The following KIFAP3 variants were observed in gnomAD, a reference collection of about 807,000 sequenced individuals.
KIFAP3 encodes the protein kinesin associated protein 3.
In KIFAP3, 68 loss-of-function variants were observed where a neutral mutation model predicts 106.5. That is an observed-to-expected ratio of 0.64 (90% CI 0.53 to 0.78). The LOEUF (loss-of-function observed/expected upper bound fraction) is 0.78. Ranked by LOEUF, KIFAP3 falls within the 30% of genes least tolerant of loss-of-function variation. KIFAP3 has a pLI of 0.00. For synonymous variants in KIFAP3, 320 were observed against 311.5 expected (o/e 1.03, Z -0.29); for missense variants, 780 against 941.8 (o/e 0.83, Z 2.25).
Position 169,921,344 on chromosome 1 carries a change from C to A in KIFAP3, c.*332G>T, listed in dbSNP as rs891021146. On this transcript the variant is annotated 3_prime_UTR_variant, in exon 20 of 20. Coordinates refer to ENST00000361580, the MANE Select transcript of KIFAP3 (RefSeq NM_014970.4). ...CTTTCACTTATTCATTTTCACTTTA[C>A]GCTTTTTAATTGAAATTAAATTAGT... 1 of 165,084 alleles carries A rather than the reference C, an allele frequency of 6.1e-6. No individual in the cohort carries two copies. The highest frequency in any genetic ancestry group is 1.3e-5 in the Non-Finnish European group (1 of 76,198). 10.2% of individuals were successfully genotyped at this position (165,084 alleles called of 1,614,324 possible). A position where few individuals can be genotyped will look rare whatever the true frequency, so the allele number is the denominator to read the frequency against.
At chr1:170,026,129 C>T (rs1669089878) in intron 8 of KIFAP3, among the ~76,000 whole-genome samples, 1 of 152,198 alleles carries the variant, frequency 6.6e-6, no homozygotes, top group African/African-American at 2.4e-5. Context: ...CCAAGAATTG[C>T]TGGGACCCAC....
intron 18 of KIFAP3, among the ~76,000 whole-genome samples, chr1:169,959,729 T>C (rs1383647915): frequency 3.9e-5 from 6 of 152,146 alleles, no homozygotes. Context: ...TAGCTATCAA[T>C]CTTCAAAGCA....
chr1:169,935,616 T>C (rs1237848535), intron 19 of KIFAP3, among the ~76,000 whole-genome samples: 1 of 151,988 alleles, frequency 6.6e-6, no homozygotes, highest in Non-Finnish European at 1.5e-5. Context: ...TTTAAGTGTA[T>C]TCAAAAGACT....
chr1:169,953,649 G>C (rs1464154978), intron 19 of KIFAP3, among the ~76,000 whole-genome samples: 1 of 151,938 alleles, frequency 6.6e-6, no homozygotes, highest in African/African-American at 2.4e-5. Flanking sequence ...TGAGTAGCTG[G>C]GACTACAGGA....
chr1:170,017,209 A>C (rs1668565199), intron 9 of KIFAP3, among the ~76,000 whole-genome samples: 3 of 148,826 alleles, frequency 2.0e-5, no homozygotes, highest in Non-Finnish European at 4.4e-5. Flanking sequence ...GTGAGCCGAG[A>C]TCATGCTACT....
chr1:169,960,023 A>T (rs1665236553), intron 18 of KIFAP3, among the ~76,000 whole-genome samples: 1 of 152,134 alleles, frequency 6.6e-6, no homozygotes, highest in South Asian at 2.1e-4. Context: ...CAAATACAAA[A>T]AATAATACAT....
Position 169,971,377 on chromosome 1 carries a change from T to A in KIFAP3, c.1983+1136A>T, listed in dbSNP as rs574978870. ...CCATGAAATTATTCTCTAGGCACAT[T>A]AAATATTCTGTATTCATAAGCCCTG... On this transcript the variant is annotated intron_variant, in intron 17 of 19. Coordinates refer to ENST00000361580, the MANE Select transcript of KIFAP3 (RefSeq NM_014970.4). Among the ~76,000 whole-genome samples, 3 of 152,166 alleles carry A rather than the reference T, an allele frequency of 2.0e-5. No homozygotes were observed. The South Asian group carries it at 6.2e-4, about 32-fold the overall frequency.
At chr1:170,076,659 AG>A (rs1671922666), upstream of KIFAP3, among the ~76,000 whole-genome samples, 1 of 152,250 alleles carries the variant, frequency 6.6e-6, no homozygotes, top group Non-Finnish European at 1.5e-5. Flanking sequence ...GAAATAAACC[AG>A]ATTTCACCTC....
chr1:169,953,794 G>A (rs562811967), intron 19 of KIFAP3, among the ~76,000 whole-genome samples: 5 of 152,320 alleles, frequency 3.3e-5, no homozygotes, highest in South Asian at 2.1e-4. Flanking sequence ...GATTACAGGC[G>A]TGAGCCACCA....
chr1:169,961,235 C>G lies in KIFAP3; in HGVS notation c.1984G>C (p.Glu662Gln), dbSNP rs757687111. Reference sequence around the variant, plus strand: ...TTCTTAGCCCATTCTTCATCATATTCCTATTGAAAACAAACAGTCAACTGT... The same window carrying G: ...TTCTTAGCCCATTCTTCATCATATTGCTATTGAAAACAAACAGTCAACTGT... ...VCDNTLDIIAEYDEEWAKKIQ... is the reference protein window; with the variant it reads ...VCDNTLDIIAQYDEEWAKKIQ... The change falls in exon 18 of 20, where the codon GAA becomes CAA. Residue 662 changes from glutamate (E) to glutamine (Q), a missense_variant and splice_region_variant. Transcript: ENST00000361580. 2 of 1,608,532 alleles carry G rather than the reference C, an allele frequency of 1.2e-6. No individual in the cohort carries two copies. The highest frequency in any genetic ancestry group is 1.7e-6 in the Non-Finnish European group (2 of 1,178,086).
intron 19 of KIFAP3, among the ~76,000 whole-genome samples, chr1:169,953,004 T>C (rs1325247490): frequency 1.3e-5 from 2 of 151,944 alleles, no homozygotes; most frequent in African/African-American, 4.8e-5. Flanking sequence ...AAGAAAAAAA[T>C]TAATAATTTA....
At chr1:170,054,353 G>A (rs1460066119) in intron 2 of KIFAP3, among the ~76,000 whole-genome samples, 1 of 151,844 alleles carries the variant, frequency 6.6e-6, no homozygotes. Flanking sequence ...TGCTGCTCAG[G>A]CTGTGGAAAA....
Position 169,984,694 on chromosome 1 carries a change from G to A in KIFAP3, c.1285-4C>T, listed in dbSNP as rs1228908366. The stretch of plus-strand genomic sequence containing the variant: ...ATTCAAACAGCATCTTCATTAACTA[G>A]CAAGAAGCACAGGGCACATTTTACT... On this transcript the variant is annotated splice_region_variant and splice_polypyrimidine_tract_variant and intron_variant, in intron 11 of 19. Transcript: ENST00000361580. 1.3e-6 allele frequency: 2 copies of A among 1,533,712 alleles called. No homozygotes were observed. The highest frequency in any genetic ancestry group is 2.7e-5 in the African/African-American group (2 of 73,138).
At chr1:170,061,469 T>C (rs1387214618) in intron 1 of KIFAP3, among the ~76,000 whole-genome samples, 1 of 152,144 alleles carries the variant, frequency 6.6e-6, no homozygotes, top group Non-Finnish European at 1.5e-5. Context: ...TGAGATACCA[T>C]CTCACACTAG....
At chr1:170,055,816 A>AAG in intron 1 of KIFAP3, among the ~76,000 whole-genome samples, 1 of 152,222 alleles carries the variant, frequency 6.6e-6, no homozygotes, top group Non-Finnish European at 1.5e-5. Context: ...ACCAAAGGCA[A>AAG]CTGCCTTAAA....
At chr1:170,031,200 T>G (rs180983817) in intron 8 of KIFAP3, among the ~76,000 whole-genome samples, 1 of 151,924 alleles carries the variant, frequency 6.6e-6, no homozygotes, top group Admixed American at 6.6e-5. Flanking sequence ...TCCAACAGGT[T>G]GAACTAAATT....
chr1:169,993,945 T>C (rs614044), intron 10 of KIFAP3, among the ~76,000 whole-genome samples: 36,069 of 152,146 alleles, frequency 0.24, 4,719 homozygotes, highest in Non-Finnish European at 0.3. Context: ...TGAACTTCCT[T>C]ACCATTTGAT....
At chr1:170,008,666 T>C (rs1248268087) in intron 10 of KIFAP3, among the ~76,000 whole-genome samples, 3 of 152,214 alleles carry the variant, frequency 2.0e-5, no homozygotes, top group Non-Finnish European at 4.4e-5. Flanking sequence ...TTTTACACTG[T>C]TGGTGGAAGT....
intron 19 of KIFAP3, among the ~76,000 whole-genome samples, chr1:169,946,785 C>T (rs1451451393): frequency 6.6e-6 from 1 of 151,906 alleles, no homozygotes; most frequent in African/African-American, 2.4e-5. Flanking sequence ...TTCTTTGAAT[C>T]TTTTAGAAGG....
Sources: allele counts gnomAD v4.1 joint callset (sites outside exome capture counted in the v4.1 genomes callset), GRCh38; gene constraint gnomAD v4.1.1; transcripts MANE v1.5; gene names NCBI Gene and HGNC (gene_info 2026-07-23, HGNC 2026-07-21).